The following CEP112 variants were observed in gnomAD, a reference collection of about 807,000 sequenced individuals.
The protein encoded by CEP112 is centrosomal protein 112.
CEP112 carries 127 observed loss-of-function variants against 153.0 expected under a neutral mutation model. That is an observed-to-expected ratio of 0.83 (90% CI 0.72 to 0.96). The LOEUF (loss-of-function observed/expected upper bound fraction) is 0.96. CEP112 is among the 40% of genes least tolerant of loss of function. CEP112 has a pLI of 0.00. For synonymous variants in CEP112, 358 were observed against 374.4 expected, an observed-to-expected ratio of 0.96 and a Z score of 0.51; for missense variants, 1,089 against 1,101.2, an observed-to-expected ratio of 0.99 and a Z score of 0.16.
chr17:65,736,586 C>CA (rs1247004969), intron 23 of CEP112, among the ~76,000 whole-genome samples: 1 of 151,850 alleles, frequency 6.6e-6, no homozygotes, highest in East Asian at 1.9e-4. Context: ...TATTTCAGTG[C>CA]AAAAAAGAGG....
In CEP112 at chr17:65,897,383, CTT is replaced by C. The variant is rs1409510313; in HGVS notation, c.2163+4767_2163+4768del. ...AATACAGGTGTAAGTATCTTTTACTCTTGGAGTGAATTATCATTTGATTTTAT... is the reference window on the plus strand; with the variant it reads ...AATACAGGTGTAAGTATCTTTTACTCGGAGTGAATTATCATTTGATTTTAT... On this transcript the variant is annotated intron_variant, in intron 20 of 26. Coordinates refer to ENST00000535342, the MANE Select transcript of CEP112 (RefSeq NM_001199165.4). Among the ~76,000 whole-genome samples, 9 of 152,148 alleles carry C rather than the reference CTT, an allele frequency of 5.9e-5. No homozygotes were observed. In the East Asian group the frequency reaches 1.2e-3, roughly 20 times the overall value.
intron 24 of CEP112, among the ~76,000 whole-genome samples, chr17:65,668,357 G>A (rs1489765455): frequency 6.6e-6 from 1 of 152,140 alleles, no homozygotes; most frequent in Non-Finnish European, 1.5e-5. Flanking sequence ...GGTATGTCAA[G>A]CTGTTCAATA....
chr17:66,027,700 A>G, intron 15 of CEP112, 140 bp from the exon 16 acceptor site: 1 of 591,180 alleles, frequency 1.7e-6, no homozygotes, highest in Non-Finnish European at 2.5e-6. Flanking sequence ...TAAGCCCTAC[A>G]GGTAGAAATT....
intron 21 of CEP112, among the ~76,000 whole-genome samples, chr17:65,760,161 G>T (rs558410412): frequency 6.6e-6 from 1 of 152,052 alleles, no homozygotes; most frequent in Non-Finnish European, 1.5e-5. Context: ...AGAGTTTGTC[G>T]ATTCTTTTGG....
intron 16 of CEP112, among the ~76,000 whole-genome samples, chr17:66,016,047 T>C (rs1345908972): frequency 6.6e-6 from 1 of 152,242 alleles, no homozygotes; most frequent in Non-Finnish European, 1.5e-5. Context: ...AAGTCTGCTA[T>C]TGTACTTTTG....
In CEP112 at chr17:66,034,899, C is replaced by T. The variant is rs1433268526; in HGVS notation, c.1219-4876G>A. ...CTCGACTCACCGCAACCCCTGCCTC[C>T]CAAGTCCTAATGCTTCAGTCTCCCA... On this transcript the variant is annotated intron_variant, in intron 12 of 26. Transcript: ENST00000535342. 3.3e-5 allele frequency among the ~76,000 whole-genome samples: 5 copies of T among 149,586 alleles called. No homozygotes were observed. In the East Asian group the frequency reaches 9.9e-4, roughly 30 times the overall value.
intron 12 of CEP112, among the ~76,000 whole-genome samples, chr17:66,038,110 A>AAAAAAAAAAAAAAAG (rs71293591): frequency 1.5e-4 from 18 of 120,702 alleles, no homozygotes; most frequent in African/African-American, 2.0e-4. Flanking sequence ...CAAAAAAAAA[A>AAAAAAAAAAAAAAAG]AAAAGAAAAG....
intron 17 of CEP112, among the ~76,000 whole-genome samples, chr17:65,997,239 C>T (rs1430352322): frequency 6.6e-6 from 1 of 152,148 alleles, no homozygotes; most frequent in Non-Finnish European, 1.5e-5. Flanking sequence ...TAATTGTACA[C>T]TTATTAGAAA....
intron 20 of CEP112, among the ~76,000 whole-genome samples, chr17:65,877,998 T>C (rs535990970): frequency 6.6e-6 from 1 of 152,290 alleles, no homozygotes; most frequent in South Asian, 2.1e-4. Flanking sequence ...GTAAAACTGA[T>C]AGAAACAGAG....
chr17:65,883,112 A>T (rs1280671576), intron 20 of CEP112, among the ~76,000 whole-genome samples: 1 of 152,130 alleles, frequency 6.6e-6, no homozygotes, highest in Non-Finnish European at 1.5e-5. Context: ...GGAACAAACA[A>T]ATAGAATAAT....
intron 21 of CEP112, among the ~76,000 whole-genome samples, chr17:65,805,242 C>T (rs946227951): frequency 1.3e-5 from 2 of 152,158 alleles, no homozygotes; most frequent in African/African-American, 4.8e-5. Flanking sequence ...ATTTCTATGA[C>T]TACCGTAATA....
At chr17:65,685,988 G>A (rs1033029408) in intron 24 of CEP112, among the ~76,000 whole-genome samples, 4 of 151,814 alleles carry the variant, frequency 2.6e-5, no homozygotes, top group Non-Finnish European at 5.9e-5. Flanking sequence ...TTGACTACTT[G>A]TGTTAGTGTC....
At chr17:66,138,322 G>A (rs1259868222) in intron 4 of CEP112, among the ~76,000 whole-genome samples, 1 of 152,228 alleles carries the variant, frequency 6.6e-6, no homozygotes, top group Admixed American at 6.5e-5. Context: ...TCTAGATGCA[G>A]TGATCTGGTA....
intron 18 of CEP112, among the ~76,000 whole-genome samples, chr17:65,930,737 T>A (rs1237158832): frequency 6.6e-6 from 1 of 152,240 alleles, no homozygotes; most frequent in Non-Finnish European, 1.5e-5. Flanking sequence ...TCAAGTGAGA[T>A]TCTCCTTAAT....
intron 23 of CEP112, among the ~76,000 whole-genome samples, chr17:65,689,895 T>C (rs1459397938): frequency 1.3e-5 from 2 of 152,142 alleles, no homozygotes; most frequent in East Asian, 1.9e-4. Flanking sequence ...AGTTTCCATG[T>C]GCTATTTCTA....
chr17:65,704,337 T>C (rs941912057), intron 23 of CEP112, among the ~76,000 whole-genome samples: 1 of 152,100 alleles, frequency 6.6e-6, no homozygotes, highest in Non-Finnish European at 1.5e-5. Context: ...TTTGGTTCTT[T>C]GTTACAGCAG....
intron 4 of CEP112, among the ~76,000 whole-genome samples, chr17:66,140,795 G>T (rs1276687765): frequency 6.6e-6 from 1 of 151,984 alleles, no homozygotes; most frequent in East Asian, 1.9e-4. Flanking sequence ...ACACCACCAC[G>T]CCTGGCTAAT....
chr17:65,846,948 T>G (rs2057749191), intron 21 of CEP112, among the ~76,000 whole-genome samples: 1 of 152,180 alleles, frequency 6.6e-6, no homozygotes, highest in Non-Finnish European at 1.5e-5. Flanking sequence ...GTCCAGGTCT[T>G]TACTGCATTT....
chr17:66,114,464 A>T (rs992556525), intron 6 of CEP112, among the ~76,000 whole-genome samples: 1 of 152,162 alleles, frequency 6.6e-6, no homozygotes, highest in Non-Finnish European at 1.5e-5. Context: ...CTATCTTAGC[A>T]AGAAGGACAT....
Sources: gnomAD v4.1 joint callset for allele counts (sites outside exome capture counted in the v4.1 genomes callset) on GRCh38, gnomAD v4.1.1 for gene constraint, MANE v1.5 for transcripts, NCBI Gene and HGNC (gene_info 2026-07-23, HGNC 2026-07-21) for gene names.